Variants in TPST1 observed in about 807,000 individuals in gnomAD.
TPST1 encodes the protein protein-tyrosine sulfotransferase 1.
In TPST1, 20 loss-of-function variants were observed where a neutral mutation model predicts 34.8. The observed-to-expected ratio is 0.57, with a 90% confidence interval of 0.40 to 0.84. TPST1 has a LOEUF of 0.84. Among genes scored for constraint, TPST1 ranks in the 40% least tolerant of loss-of-function variants. The probability of loss-of-function intolerance (pLI) is 0.00; values close to 1 mark genes in which losing one functional copy is unlikely to be tolerated. For missense variants in TPST1, 353 were observed against 455.5 expected, an observed-to-expected ratio of 0.78 and a Z score of 2.05; for synonymous variants, 152 against 159.4, an observed-to-expected ratio of 0.95 and a Z score of 0.35.
At chr7:66,326,870 A>G (rs1006887454) in intron 3 of TPST1, among the ~76,000 whole-genome samples, 26 of 152,244 alleles carry the variant, frequency 1.7e-4, no homozygotes, top group Admixed American at 1.7e-3. Context: ...ATAAGTATTG[A>G]CAACATTTAT....
chr7:66,276,252 TTTGA>T (rs1159321657), intron 2 of TPST1, among the ~76,000 whole-genome samples: 1 of 150,934 alleles, frequency 6.6e-6, no homozygotes. Context: ...CTGTGTTCCC[TTTGA>T]TTCTCTTCTT....
chr7:66,240,123 G>A (rs903180229), intron 1 of TPST1, among the ~76,000 whole-genome samples: 2 of 151,890 alleles, frequency 1.3e-5, no homozygotes, highest in African/African-American at 4.8e-5. Flanking sequence ...TCCTGACCTC[G>A]TGATCCGCCC....
At chr7:66,211,362 C>T (rs562173012) in intron 1 of TPST1, among the ~76,000 whole-genome samples, 1 of 152,110 alleles carries the variant, frequency 6.6e-6, no homozygotes, top group Non-Finnish European at 1.5e-5. Context: ...AACTCCTGAC[C>T]TCAGGTGATC....
At chr7:66,261,816 G>C (rs774206396) in intron 2 of TPST1, among the ~76,000 whole-genome samples, 1 of 152,026 alleles carries the variant, frequency 6.6e-6, no homozygotes, top group African/African-American at 2.4e-5. Context: ...TACGTCATAG[G>C]GTTGTTAATA....
In TPST1 at chr7:66,304,722, A is replaced by G. The variant is rs548955719; in HGVS notation, c.1044+18013A>G. Among the ~76,000 whole-genome samples the G allele has an allele frequency of 8.5e-5, 13 of 152,290 alleles. No individual in the cohort carries two copies. In the South Asian group the frequency reaches 2.7e-3, roughly 32 times the overall value. On this transcript the variant is annotated intron_variant, in intron 3 of 5. Coordinates refer to ENST00000304842, the MANE Select transcript of TPST1 (RefSeq NM_003596.4). ...TGCTGTATTTCATATTGTGCTTTGT[A>G]CATTTCTGGCTGATATGAATGTATT...
At chr7:66,294,268 A>G (rs867314552) in intron 3 of TPST1, among the ~76,000 whole-genome samples, 4 of 152,212 alleles carry the variant, frequency 2.6e-5, no homozygotes, top group African/African-American at 7.2e-5. Context: ...CCATGCTAGC[A>G]TAAGTTCACT....
chr7:66,272,964 A>G (rs1355002404), intron 2 of TPST1, among the ~76,000 whole-genome samples: 1 of 152,222 alleles, frequency 6.6e-6, no homozygotes, highest in African/African-American at 2.4e-5. Context: ...AATAAAAGGC[A>G]TCCACATCAG....
chr7:66,249,474 C>T (rs1228613976), intron 2 of TPST1, among the ~76,000 whole-genome samples: 1 of 152,150 alleles, frequency 6.6e-6, no homozygotes, highest in Admixed American at 6.5e-5. Context: ...CCTTACATTT[C>T]CTCATTGCTG....
Position 66,317,751 on chromosome 7 carries a change from A to G in TPST1, c.1044+31042A>G, listed in dbSNP as rs191315540. Reference sequence around the variant, plus strand: ...TTTTCAAATGCTTTTTATTTTTCCCACTTGTTTTGTGCTTTTGTGGACTGT... The same window carrying G: ...TTTTCAAATGCTTTTTATTTTTCCCGCTTGTTTTGTGCTTTTGTGGACTGT... On this transcript the variant is annotated intron_variant, in intron 3 of 5. Coordinates refer to ENST00000304842, the MANE Select transcript of TPST1 (RefSeq NM_003596.4). 1.5e-4 allele frequency among the ~76,000 whole-genome samples: 23 copies of G among 151,338 alleles called. No homozygotes were observed. In the East Asian group the frequency reaches 3.7e-3, roughly 24 times the overall value.
chr7:66,275,389 G>C (rs1239462539), intron 2 of TPST1, among the ~76,000 whole-genome samples: 1 of 151,946 alleles, frequency 6.6e-6, no homozygotes, highest in Non-Finnish European at 1.5e-5. Flanking sequence ...GTACCCAAAG[G>C]AATTGAAATC....
In TPST1 at chr7:66,232,659, T is replaced by C. The variant is rs1205799444; in HGVS notation, c.-101-7666T>C. ...GGCATGAGCCACCGCGCCCGGCCCA[T>C]GCCTGAATAGTTTTTAAATTATTTT... On this transcript the variant is annotated intron_variant, in intron 1 of 5. Transcript: ENST00000304842. Among the ~76,000 whole-genome samples, 4 of 152,138 alleles carry C rather than the reference T, an allele frequency of 2.6e-5. No homozygotes were observed. The East Asian group carries it at 5.8e-4, about 22-fold the overall frequency.
chr7:66,316,524 G>T (rs536750861), intron 3 of TPST1, among the ~76,000 whole-genome samples: 1 of 152,290 alleles, frequency 6.6e-6, no homozygotes, highest in Admixed American at 6.5e-5. Flanking sequence ...GAGCTGTGTT[G>T]AAATCTTCCA....
At chr7:66,231,656 C>T (rs1354062665) in intron 1 of TPST1, among the ~76,000 whole-genome samples, 3 of 152,370 alleles carry the variant, frequency 2.0e-5, no homozygotes, top group Middle Eastern at 3.4e-3. Flanking sequence ...CAAGTCCACG[C>T]CCACCCGGAA....
At chr7:66,319,592 G>T (rs1791710379) in intron 3 of TPST1, among the ~76,000 whole-genome samples, 1 of 152,174 alleles carries the variant, frequency 6.6e-6, no homozygotes, top group Admixed American at 6.5e-5. Context: ...TTTGATAGAA[G>T]TTCAGTGTTG....
chr7:66,241,484 A>T (rs909845203), intron 2 of TPST1, among the ~76,000 whole-genome samples: 1 of 152,016 alleles, frequency 6.6e-6, no homozygotes, highest in African/African-American at 2.4e-5. Context: ...ACTTATTTAT[A>T]CTTCATTTTT....
At chr7:66,249,141 G>T (rs1299419334) in intron 2 of TPST1, among the ~76,000 whole-genome samples, 1 of 152,128 alleles carries the variant, frequency 6.6e-6, no homozygotes, top group East Asian at 1.9e-4. Context: ...ACATGAATTT[G>T]GGGGGACACA....
chr7:66,347,334 C>T (rs1792377484), intron 3 of TPST1, among the ~76,000 whole-genome samples: 1 of 152,030 alleles, frequency 6.6e-6, no homozygotes, highest in Non-Finnish European at 1.5e-5. Flanking sequence ...TACTAAAGTG[C>T]TGGGATTATA....
chr7:66,255,669 T>C (rs552607586), intron 2 of TPST1, among the ~76,000 whole-genome samples: 2 of 152,348 alleles, frequency 1.3e-5, no homozygotes, highest in South Asian at 4.1e-4. Context: ...TCTCCAAGGC[T>C]AAAACTATTT....
Position 66,331,335 on chromosome 7 carries a change from G to C in TPST1, c.1045-21170G>C, listed in dbSNP as rs1459731208. ...TCACTAGATCTGTCCCACACTTGAAGAGGGTTAAACAAGGTCATGTTCTTC... is the reference window on the plus strand; with the variant it reads ...TCACTAGATCTGTCCCACACTTGAACAGGGTTAAACAAGGTCATGTTCTTC... On this transcript the variant is annotated intron_variant, in intron 3 of 5. Transcript: ENST00000304842. Among the ~76,000 whole-genome samples the C allele has an allele frequency of 2.6e-5, 4 of 152,266 alleles. No individual in the cohort carries two copies. The East Asian group carries it at 7.7e-4, about 29-fold the overall frequency.
Sources: gnomAD v4.1 joint callset for allele counts (sites outside exome capture counted in the v4.1 genomes callset) on GRCh38, gnomAD v4.1.1 for gene constraint, MANE v1.5 for transcripts, NCBI Gene and HGNC (gene_info 2026-07-23, HGNC 2026-07-21) for gene names.